Variants in CAMTA1 observed in about 807,000 individuals in gnomAD.
The protein encoded by CAMTA1 is calmodulin-binding transcription activator 1.
Under a neutral mutation model 170.9 loss-of-function variants are expected in CAMTA1, and 27 were observed. The ratio of observed to expected loss-of-function variants is 0.16; its 90% CI spans 0.12 to 0.22. The LOEUF is 0.22. CAMTA1 is among the 10% of genes least tolerant of loss of function. The probability of loss-of-function intolerance (pLI) is 1.00; values close to 1 mark genes in which losing one functional copy is unlikely to be tolerated. For missense variants in CAMTA1, 1,619 were observed against 2,217.2 expected, an observed-to-expected ratio of 0.73 and a Z score of 5.42; for synonymous variants, 833 against 891.5, an observed-to-expected ratio of 0.93 and a Z score of 1.17.
chr1:7,641,982 G>T lies in CAMTA1; in HGVS notation c.664+1429G>T, dbSNP rs2095765090. ...CAGCCCCCGGCCTCTGCAGGACTCTGCGCCCTTTCCACCTGCTGTAGTCCC... is the reference window on the plus strand; with the variant it reads ...CAGCCCCCGGCCTCTGCAGGACTCTTCGCCCTTTCCACCTGCTGTAGTCCC... On this transcript the variant is annotated intron_variant, in intron 7 of 22. Coordinates refer to ENST00000303635, the MANE Select transcript of CAMTA1 (RefSeq NM_015215.4). This position sits in a 1 kb window ranked among gnomAD's most constrained non-coding sequence, Gnocchi z 4.5. 6.9e-6 allele frequency among the ~76,000 whole-genome samples: 1 copy of T among 144,850 alleles called. No homozygotes were observed. Among genetic ancestry groups the T allele is most frequent in the African/African-American group, 2.7e-5 (1 of 36,960 alleles).
intron 3 of CAMTA1, among the ~76,000 whole-genome samples, chr1:6,962,602 T>G (rs1476978561): frequency 4.5e-4 from 20 of 44,196 alleles, no homozygotes; most frequent in South Asian, 8.2e-4. Context: ...CCTTTTTGGC[T>G]CCGTTTCACC....
intron 1 of CAMTA1, among the ~76,000 whole-genome samples, chr1:6,804,518 C>T (rs917112739): frequency 3.9e-5 from 6 of 152,058 alleles, no homozygotes; most frequent in Non-Finnish European, 5.9e-5. Flanking sequence ...CTCCTCCTCC[C>T]GGCCCTAGTC....
At chr1:7,016,273 G>A (rs1249834091) in intron 3 of CAMTA1, among the ~76,000 whole-genome samples, 1 of 152,126 alleles carries the variant, frequency 6.6e-6, no homozygotes, top group Non-Finnish European at 1.5e-5. Context: ...GGCTGGGTAC[G>A]CGTCCTGTCT....
chr1:6,928,232 AT>A (rs1683707250), intron 3 of CAMTA1, among the ~76,000 whole-genome samples: 1 of 152,210 alleles, frequency 6.6e-6, no homozygotes. Flanking sequence ...GCTAACAGAA[AT>A]CAGTCTTGCC....
At chr1:7,034,170 T>TTG (rs143118525) in intron 3 of CAMTA1, among the ~76,000 whole-genome samples, 7,206 of 152,158 alleles carry the variant, frequency 0.047, 236 homozygotes, top group South Asian at 0.12. Flanking sequence ...GTTTATTTGT[T>TTG]TGTTTGAGAC....
chr1:7,688,672 T>A (rs927349498), intron 11 of CAMTA1, among the ~76,000 whole-genome samples: 11 of 152,126 alleles, frequency 7.2e-5, no homozygotes, highest in African/African-American at 2.4e-4. Flanking sequence ...ACCCTTCCCA[T>A]CCAGTCCAAT....
At chr1:7,246,238 A>G (rs1049506865) in intron 4 of CAMTA1, among the ~76,000 whole-genome samples, 10 of 152,194 alleles carry the variant, frequency 6.6e-5, no homozygotes, top group African/African-American at 2.2e-4. Flanking sequence ...GTTTGATTAT[A>G]TGCTGGGAAT....
At chr1:7,156,275 C>CAAA (rs34284954) in intron 4 of CAMTA1, among the ~76,000 whole-genome samples, 2 of 114,804 alleles carry the variant, frequency 1.7e-5, no homozygotes, top group Admixed American at 8.7e-5. Flanking sequence ...AACTCCACCT[C>CAAA]AAAAAAAAAA....
At chr1:7,255,122 T>C (rs776283391) in intron 5 of CAMTA1, among the ~76,000 whole-genome samples, 4 of 152,072 alleles carry the variant, frequency 2.6e-5, no homozygotes, top group Non-Finnish European at 5.9e-5. Context: ...GAACATCACA[T>C]ACCTGGGCCT....
At chr1:7,717,726 TA>T (rs199570546) in intron 11 of CAMTA1, among the ~76,000 whole-genome samples, 3 of 150,150 alleles carry the variant, frequency 2.0e-5, no homozygotes, top group Non-Finnish European at 3.0e-5. Context: ...AGACCCTGTC[TA>T]AAAAAAAATA....
chr1:7,481,987 C>A (rs2093545970), intron 6 of CAMTA1, among the ~76,000 whole-genome samples: 1 of 152,070 alleles, frequency 6.6e-6, no homozygotes, highest in Non-Finnish European at 1.5e-5. Flanking sequence ...AGTCAATACC[C>A]ACTTCACCCC....
intron 1 of CAMTA1, among the ~76,000 whole-genome samples, chr1:6,787,736 G>T (rs1443012569): frequency 2.0e-5 from 3 of 152,350 alleles, no homozygotes; most frequent in African/African-American, 7.2e-5. Context: ...CATCCTGCGT[G>T]TTCACCAAGT....
intron 3 of CAMTA1, among the ~76,000 whole-genome samples, chr1:7,035,271 G>A (rs781520334): frequency 7.9e-5 from 12 of 151,982 alleles, no homozygotes; most frequent in Admixed American, 4.6e-4. Flanking sequence ...GTGGTGGCAC[G>A]CGCCTGTAAT....
At chr1:7,363,511 G>A in intron 5 of CAMTA1, among the ~76,000 whole-genome samples, 1 of 152,078 alleles carries the variant, frequency 6.6e-6, no homozygotes, top group Non-Finnish European at 1.5e-5. Flanking sequence ...CTCTTACGCT[G>A]TCTTCTGGCT....
At position 6,971,463 on chromosome 1, in the gene CAMTA1, A is replaced by C. The variant is rs560134962; in HGVS notation, c.235-119841A>C. Among the ~76,000 whole-genome samples, 11 of 152,194 alleles carry C rather than the reference A, an allele frequency of 7.2e-5. No homozygotes were observed. In the East Asian group the frequency reaches 2.1e-3, roughly 29 times the overall value. ...CTGTTTGCAAGCCCCTCAGTGGGGG[A>C]GTCCGGTTTGATTTGGTTTTGTTTT... On this transcript the variant is annotated intron_variant, in intron 3 of 22. Transcript: ENST00000303635. This position sits in a 1 kb window ranked among gnomAD's most constrained non-coding sequence, Gnocchi z 4.6.
At chr1:7,613,646 C>T (rs1485857322) in intron 6 of CAMTA1, among the ~76,000 whole-genome samples, 2 of 151,884 alleles carry the variant, frequency 1.3e-5, no homozygotes, top group East Asian at 1.9e-4. Context: ...GAATGGGAGC[C>T]GGGGCACAGG....
At chr1:6,806,647 G>T (rs139401895) in intron 1 of CAMTA1, among the ~76,000 whole-genome samples, 86 of 152,270 alleles carry the variant, frequency 5.6e-4, no homozygotes, top group Non-Finnish European at 9.1e-4. Context: ...GCTCTTCCAC[G>T]TAGCGTGTAG....
chr1:7,660,105 G>C (rs1345130178), intron 7 of CAMTA1, among the ~76,000 whole-genome samples: 2 of 152,154 alleles, frequency 1.3e-5, no homozygotes, highest in African/African-American at 4.8e-5. Flanking sequence ...ACAGAGTTTT[G>C]CTCTCATTCC....
chr1:6,888,331 A>T, intron 3 of CAMTA1: 2 of 827,276 alleles, frequency 2.4e-6, no homozygotes, highest in South Asian at 5.5e-5. Flanking sequence ...TGATTGAAGT[A>T]ACTGGAAGCC....
Sources: allele counts gnomAD v4.1 joint callset (sites outside exome capture counted in the v4.1 genomes callset), GRCh38; gene constraint gnomAD v4.1.1; non-coding constraint Gnocchi (gnomAD v3.1); transcripts MANE v1.5; gene names NCBI Gene and HGNC (gene_info 2026-07-23, HGNC 2026-07-21).